The following STX18 variants were observed in gnomAD, a reference collection of about 807,000 sequenced individuals.
The protein encoded by STX18 is syntaxin-18.
In STX18, 40 loss-of-function variants were observed where a neutral mutation model predicts 50.1. That is an observed-to-expected ratio of 0.80 (90% CI 0.62 to 1.04). The LOEUF is 1.04. Among genes scored for constraint, STX18 ranks in the 50% least tolerant of loss-of-function variants. The probability of loss-of-function intolerance (pLI) is 0.00; values close to 1 mark genes in which losing one functional copy is unlikely to be tolerated. For synonymous variants in STX18, 158 were observed against 151.8 expected (o/e 1.04, Z -0.30); for missense variants, 410 against 415.8 (o/e 0.99, Z 0.12).
intron 1 of STX18, among the ~76,000 whole-genome samples, chr4:4,528,262 T>A (rs920807610): frequency 5.9e-5 from 9 of 152,092 alleles, no homozygotes; most frequent in African/African-American, 2.2e-4. Flanking sequence ...AAGATCAGCC[T>A]CTTGATGTGA....
At chr4:4,512,527 T>C (rs1412604208) in intron 1 of STX18, among the ~76,000 whole-genome samples, 1 of 152,106 alleles carries the variant, frequency 6.6e-6, no homozygotes, top group Non-Finnish European at 1.5e-5. Context: ...GAAGGGTGGT[T>C]TCAGGACCAA....
chr4:4,501,519 A>G (rs1729460401), intron 1 of STX18, among the ~76,000 whole-genome samples: 1 of 152,214 alleles, frequency 6.6e-6, no homozygotes, highest in Non-Finnish European at 1.5e-5. Flanking sequence ...ATAAGACCTC[A>G]GTTTCCTCAT....
rs1724833461 is a variant in STX18, at chr4:4,419,843, C to T, written c.*191G>A. 2 of 540,024 alleles carry T rather than the reference C, an allele frequency of 3.7e-6. No homozygotes were observed. Among genetic ancestry groups the T allele is most frequent in the Admixed American group, 3.2e-5 (1 of 31,590 alleles). 33.5% of individuals were successfully genotyped at this position (540,024 alleles called of 1,614,324 possible). On this transcript the variant is annotated 3_prime_UTR_variant, in exon 11 of 11. Coordinates refer to ENST00000306200, the MANE Select transcript of STX18 (RefSeq NM_016930.4). ...TGTGCACTGTTTCCTTTTTCAGCTG[C>T]TAAATGGCTGAACACCATCGGCCTG... is the stretch of plus-strand genomic sequence containing the variant.
intron 7 of STX18, 122 bp from the exon 8 acceptor site, chr4:4,425,344 T>C (rs1725192743): frequency 1.2e-6 from 1 of 841,902 alleles, no homozygotes; most frequent in Non-Finnish European, 2.0e-6. Flanking sequence ...TGCGGCAACG[T>C]GGCAGCCGGT....
chr4:4,527,849 T>G (rs1730859604), intron 1 of STX18, among the ~76,000 whole-genome samples: 1 of 139,236 alleles, frequency 7.2e-6, no homozygotes, highest in African/African-American at 2.7e-5. Context: ...TTTATATATA[T>G]ATACACACAC....
At chr4:4,456,532 C>T (rs985085034) in intron 5 of STX18, among the ~76,000 whole-genome samples, 2 of 152,198 alleles carry the variant, frequency 1.3e-5, no homozygotes, top group African/African-American at 4.8e-5. Context: ...CCTGGCCCTC[C>T]TGCTTCCTGT....
chr4:4,522,800 CAAG>C (rs1302270429), intron 1 of STX18, among the ~76,000 whole-genome samples: 1 of 152,168 alleles, frequency 6.6e-6, no homozygotes, highest in African/African-American at 2.4e-5. Context: ...GGAAAACCTT[CAAG>C]AAGTCAAGAT....
At position 4,506,302 on chromosome 4, in the gene STX18, T is replaced by C. The variant is rs1729703467; in HGVS notation, c.169-34596A>G. ...AAACTAGATACAACACAAATGTCCT[T>C]CAACAGGTGATAGATAATTGTAGTA... On this transcript the variant is annotated intron_variant, in intron 1 of 10. Coordinates refer to ENST00000306200, the MANE Select transcript of STX18 (RefSeq NM_016930.4). Among the ~76,000 whole-genome samples the C allele has an allele frequency of 2.6e-5, 4 of 152,382 alleles. No individual in the cohort carries two copies. The South Asian group carries it at 8.3e-4, about 32-fold the overall frequency.
chr4:4,449,293 C>G (rs2108805231), intron 5 of STX18, among the ~76,000 whole-genome samples: 1 of 152,150 alleles, frequency 6.6e-6, no homozygotes, highest in South Asian at 2.1e-4. Flanking sequence ...GCAATCCTCC[C>G]TCCCACCTCG....
Position 4,501,634 on chromosome 4 carries a change from C to T in STX18, c.169-29928G>A, listed in dbSNP as rs75418091. On this transcript the variant is annotated intron_variant, in intron 1 of 10. Coordinates refer to ENST00000306200, the MANE Select transcript of STX18 (RefSeq NM_016930.4). ...TGTGGAGACACCGAGTGTTTGGGAT[C>T]ACAGGACACTAACAGAATAACAAAA... Among the ~76,000 whole-genome samples, 1,195 of 152,272 alleles carry T rather than the reference C, an allele frequency of 7.8e-3. 10 individuals are homozygous for T. The highest frequency in any genetic ancestry group is 0.011 in the Non-Finnish European group (728 of 68,014).
At chr4:4,452,459 A>G (rs1726807243) in intron 5 of STX18, among the ~76,000 whole-genome samples, 1 of 152,254 alleles carries the variant, frequency 6.6e-6, no homozygotes, top group Non-Finnish European at 1.5e-5. Flanking sequence ...GCTGACTTCA[A>G]TGCTTCAAAG....
At chr4:4,466,322 C>T (rs1727620325) in intron 2 of STX18, among the ~76,000 whole-genome samples, 1 of 151,952 alleles carries the variant, frequency 6.6e-6, no homozygotes, top group Non-Finnish European at 1.5e-5. Context: ...GGAGGCAGAA[C>T]AAATGTTAAT....
intron 5 of STX18, among the ~76,000 whole-genome samples, chr4:4,440,402 GAA>G (rs1436942949): frequency 6.6e-6 from 1 of 152,214 alleles, no homozygotes; most frequent in East Asian, 1.9e-4. Flanking sequence ...GAGAAGTTAG[GAA>G]ACTTGCCCAG....
intron 1 of STX18, among the ~76,000 whole-genome samples, chr4:4,522,604 C>G (rs937492790): frequency 2.6e-5 from 4 of 152,094 alleles, no homozygotes; most frequent in African/African-American, 9.7e-5. Context: ...GAGCAACTCA[C>G]AGAGCACTCC....
intron 1 of STX18, among the ~76,000 whole-genome samples, chr4:4,517,209 C>T (rs1219140383): frequency 6.6e-6 from 1 of 152,180 alleles, no homozygotes; most frequent in African/African-American, 2.4e-5. Context: ...GATTCCCACC[C>T]ACATCATGAC....
chr4:4,524,446 G>T (rs1351074336), intron 1 of STX18, among the ~76,000 whole-genome samples: 5 of 152,196 alleles, frequency 3.3e-5, no homozygotes, highest in African/African-American at 1.2e-4. Flanking sequence ...CCTTTTAGTG[G>T]CAACAGGAGT....
At chr4:4,451,824 C>T (rs1039267904) in intron 5 of STX18, among the ~76,000 whole-genome samples, 5 of 152,168 alleles carry the variant, frequency 3.3e-5, no homozygotes, top group African/African-American at 9.7e-5. Context: ...AACCCAGCAG[C>T]GGCCTCTAAG....
At chr4:4,452,688 C>G (rs941951068) in intron 5 of STX18, among the ~76,000 whole-genome samples, 1 of 152,158 alleles carries the variant, frequency 6.6e-6, no homozygotes, top group Non-Finnish European at 1.5e-5. Flanking sequence ...GAGTGAGACC[C>G]CAACTCAAAA....
chr4:4,526,637 C>T (rs749589907), intron 1 of STX18, among the ~76,000 whole-genome samples: 5 of 152,112 alleles, frequency 3.3e-5, no homozygotes, highest in Non-Finnish European at 5.9e-5. Flanking sequence ...AGCAAATATG[C>T]TTGTACTGGT....
Sources: gnomAD v4.1 joint callset for allele counts (sites outside exome capture counted in the v4.1 genomes callset) on GRCh38, gnomAD v4.1.1 for gene constraint, MANE v1.5 for transcripts, NCBI Gene and HGNC (gene_info 2026-07-23, HGNC 2026-07-21) for gene names.